MTIF2: variants seen among roughly 807,000 people sequenced by gnomAD.
MTIF2 encodes the protein mitochondrial translational initiation factor 2.
MTIF2 carries 71 observed loss-of-function variants against 83.5 expected under a neutral mutation model. That is an observed-to-expected ratio of 0.85 (90% CI 0.70 to 1.04). The LOEUF (loss-of-function observed/expected upper bound fraction) is 1.04, where lower values mean the gene tolerates loss of function less well. MTIF2 is among the 50% of genes least tolerant of loss of function. MTIF2 has a pLI of 0.00. For synonymous variants in MTIF2, 319 were observed against 287.1 expected (o/e 1.11, Z -1.12); for missense variants, 957 against 846.5 (o/e 1.13, Z -1.62).
Position 55,263,664 on chromosome 2 carries a change from C to G in MTIF2, c.195G>C (p.Gln65His). 6.2e-7 allele frequency: 1 copy of G among 1,613,080 alleles called. No homozygotes were observed. Among genetic ancestry groups the G allele is most frequent in the Non-Finnish European group, 8.5e-7 (1 of 1,179,528 alleles). ...TDVLTGAALS[Q>H]YRLLVTKKEE... ...CCTTTTTTGTTACTAGAAGCCTATA[C>G]TGAGATAAAGCAGCCCCAGTGAGCA... Residue 65 changes from glutamine to histidine, a missense_variant, in exon 4 of 16, where the codon CAG (glutamine) becomes CAC (histidine). Physicochemically the swap from Gln to His is conservative, Grantham distance 24 (BLOSUM62 0). Coordinates refer to ENST00000263629, the MANE Select transcript of MTIF2 (RefSeq NM_002453.3).
At chr2:55,267,077 T>G (rs923825226) in intron 3 of MTIF2, among the ~76,000 whole-genome samples, 5 of 148,274 alleles carry the variant, frequency 3.4e-5, no homozygotes, top group African/African-American at 1.2e-4. Flanking sequence ...GCCTAAATGT[T>G]ACATTTCAAC....
In MTIF2 at chr2:55,252,407, T is replaced by C. The variant is rs1677163018; in HGVS notation, c.841+70A>G. The C allele has an allele frequency of 3.0e-6, 4 of 1,313,082 alleles. No individual in the cohort carries two copies. The Admixed American group carries it at 7.9e-5, about 26-fold the overall frequency. The allele number at this position is 1,313,082 out of a possible 1,614,324, so 81.3% of individuals were successfully genotyped here. On this transcript the variant is annotated intron_variant, in intron 8 of 15. Coordinates refer to ENST00000263629, the MANE Select transcript of MTIF2 (RefSeq NM_002453.3). Reference sequence around the variant, plus strand: ...CTCTGGGATTGTTGTGAAGACTAAATGAGCTATATGTAAATGGCCCCAGAA... The same window carrying C: ...CTCTGGGATTGTTGTGAAGACTAAACGAGCTATATGTAAATGGCCCCAGAA...
chr2:55,238,059 A>T (rs190929737), intron 14 of MTIF2, among the ~76,000 whole-genome samples: 128 of 150,496 alleles, frequency 8.5e-4, no homozygotes, highest in East Asian at 8.4e-3. Flanking sequence ...GTTATTTTTT[A>T]AAAAAAATTT....
rs1321370602 is a variant in MTIF2, at chr2:55,263,682, A to G, written c.177T>C (p.Thr59=). ...CAWPWPTDVL[T]GAALSQYRLL... is the part of the protein sequence containing the mutation. ...GCCTATACTGAGATAAAGCAGCCCC[A>G]GTGAGCACATCTGTTGGCCAGGGCC... Residue 59 remains threonine (T), a synonymous_variant, in exon 4 of 16, where the codon ACT becomes ACC. Transcript: ENST00000263629. 14 of 1,614,042 alleles carry G rather than the reference A, an allele frequency of 8.7e-6. No homozygotes were observed. The highest frequency in any genetic ancestry group is 1.1e-5 in the Non-Finnish European group (13 of 1,180,010).
chr2:55,238,215 T>C (rs1425675574), intron 14 of MTIF2, among the ~76,000 whole-genome samples: 1 of 151,702 alleles, frequency 6.6e-6, no homozygotes, highest in Non-Finnish European at 1.5e-5. Context: ...TTTTTATCTT[T>C]CTTGTTGTGG....
chr2:55,238,096 T>C lies in MTIF2; in HGVS notation c.1871-668A>G, dbSNP rs533014320. 5.9e-5 allele frequency among the ~76,000 whole-genome samples: 9 copies of C among 152,290 alleles called. No individual in the cohort carries two copies. The South Asian group carries it at 1.7e-3, about 28-fold the overall frequency. ...TATAGATGGGTCACCCAGGCTGGAG[T>C]GCAGTGGCATGATCATAGCTCACTG... On this transcript the variant is annotated intron_variant, in intron 14 of 15. Transcript: ENST00000263629.
In MTIF2 at chr2:55,240,042, TCTG is replaced by T. The variant is rs1255112179; in HGVS notation, c.1836_1838del (p.Ser612del). The T allele has an allele frequency of 3.7e-6, 6 of 1,613,048 alleles. No homozygotes were observed. Among genetic ancestry groups the T allele is most frequent in the African/African-American group, 1.3e-5 (1 of 74,914 alleles). ...GGTGCTCTTCCACAGCACAGGGTAA[TCTG>T]CTGCTCAGTTCCTCTTGCAAATCTT... On this transcript the variant is annotated inframe_deletion, in exon 14 of 16. Coordinates refer to ENST00000263629, the MANE Select transcript of MTIF2 (RefSeq NM_002453.3).
intron 5 of MTIF2, among the ~76,000 whole-genome samples, chr2:55,258,992 A>G (rs1333363245): frequency 6.6e-6 from 1 of 152,100 alleles, no homozygotes; most frequent in Non-Finnish European, 1.5e-5. Context: ...AAAAAAAATT[A>G]TGAGCACAAT....
Position 55,236,642 on chromosome 2 carries a change from G to A in MTIF2, c.*6C>T, listed in dbSNP as rs768480844. The A allele has an allele frequency of 5.1e-6, 8 of 1,579,286 alleles. No homozygotes were observed. Among genetic ancestry groups the A allele is most frequent in the Admixed American group, 2.0e-5 (1 of 51,114 alleles). ...ACGTTGAGTTATTTACATTTTTAAT[G>A]TAATTTTAAAATCCTGGATCCCAAG... is the stretch of plus-strand genomic sequence containing the variant. On this transcript the variant is annotated 3_prime_UTR_variant, in exon 16 of 16. Coordinates refer to ENST00000263629, the MANE Select transcript of MTIF2 (RefSeq NM_002453.3).
intron 8 of MTIF2, among the ~76,000 whole-genome samples, chr2:55,250,237 A>C (rs528052943): frequency 6.6e-6 from 1 of 152,100 alleles, no homozygotes; most frequent in Non-Finnish European, 1.5e-5. Context: ...AAAGCCATGT[A>C]AGGAAGTTTC....
At chr2:55,252,341 C>T (rs1166198437) in intron 8 of MTIF2, 136 bp downstream of exon 8, 11 of 749,800 alleles carry the variant, frequency 1.5e-5, no homozygotes, top group Non-Finnish European at 2.4e-5. Context: ...TGTGGGAAAA[C>T]AATTTATCTT....
intron 10 of MTIF2, 129 bp downstream of exon 10, chr2:55,246,208 A>T: frequency 8.8e-7 from 1 of 1,140,140 alleles, no homozygotes; most frequent in Non-Finnish European, 1.2e-6. Flanking sequence ...AATACTTTTT[A>T]AAACAAATGC....
Position 55,264,539 on chromosome 2 carries a change from T to G in MTIF2, c.-7-674A>C, listed in dbSNP as rs1328166760. Reference sequence around the variant, plus strand: ...TGAGCCACCATGCCCAGCCTTACTTTATTTCTTACACTCTTAGAGTCTCTA... The same window carrying G: ...TGAGCCACCATGCCCAGCCTTACTTGATTTCTTACACTCTTAGAGTCTCTA... On this transcript the variant is annotated intron_variant, in intron 3 of 15. Transcript: ENST00000263629. Among the ~76,000 whole-genome samples, 18 of 152,128 alleles carry G rather than the reference T, an allele frequency of 1.2e-4. No individual in the cohort carries two copies. The East Asian group carries it at 3.5e-3, about 29-fold the overall frequency.
chr2:55,243,741 C>T, intron 11 of MTIF2, 73 bp from the exon 12 acceptor site: 2 of 1,472,070 alleles, frequency 1.4e-6, no homozygotes, highest in East Asian at 2.3e-5. Flanking sequence ...TTTGTGTTGT[C>T]CTGCATTAGG....
At chr2:55,247,178 T>G (rs1312170590) in intron 9 of MTIF2, among the ~76,000 whole-genome samples, 2 of 152,178 alleles carry the variant, frequency 1.3e-5, no homozygotes, top group Non-Finnish European at 2.9e-5. Context: ...GATTAACTGG[T>G]GATGGAAATG....
Position 55,254,215 on chromosome 2 carries a change from CAA to C in MTIF2, c.504-16_504-15del. ...TCTGCCTGGGGCCTACAATTAACAG[CAA>C]AAGAGTTTCATTTCTTAAATATCAG... On this transcript the variant is annotated splice_polypyrimidine_tract_variant and intron_variant, in intron 6 of 15. Coordinates refer to ENST00000263629, the MANE Select transcript of MTIF2 (RefSeq NM_002453.3). The C allele has an allele frequency of 6.2e-7, 1 of 1,603,772 alleles. No individual in the cohort carries two copies. Among genetic ancestry groups the C allele is most frequent in the Non-Finnish European group, 8.5e-7 (1 of 1,176,282 alleles).
intron 14 of MTIF2, among the ~76,000 whole-genome samples, chr2:55,238,389 GTTT>G (rs34278300): frequency 1.7e-5 from 2 of 117,442 alleles, no homozygotes; most frequent in Non-Finnish European, 1.7e-5. Context: ...TCTGAGCCTG[GTTT>G]TTTTTTTTTT....
chr2:55,253,971 T>A, intron 7 of MTIF2, 70 bp downstream of exon 7: 1 of 1,501,122 alleles, frequency 6.7e-7, no homozygotes, highest in Non-Finnish European at 9.1e-7. Context: ...GTATATTTCA[T>A]ACTATGACAT....
chr2:55,259,164 A>G (rs1416383994), intron 5 of MTIF2, among the ~76,000 whole-genome samples: 7 of 152,194 alleles, frequency 4.6e-5, no homozygotes, highest in Non-Finnish European at 1.0e-4. Context: ...ACTTAAATAA[A>G]TATTTACATG....
Sources: allele counts gnomAD v4.1 joint callset (sites outside exome capture counted in the v4.1 genomes callset), GRCh38; gene constraint gnomAD v4.1.1; transcripts MANE v1.5; gene names NCBI Gene and HGNC (gene_info 2026-07-23, HGNC 2026-07-21).